ZNF704: variants seen among roughly 807,000 people sequenced by gnomAD.
The protein encoded by ZNF704 is zinc finger protein 704, also known as glucocorticoid induced gene 1.
A neutral mutation model predicts 44.7 loss-of-function variants in ZNF704; 10 were observed. That is an observed-to-expected ratio of 0.22 (90% CI 0.14 to 0.38). The LOEUF (loss-of-function observed/expected upper bound fraction) is 0.38. Ranked by LOEUF, ZNF704 falls within the 10% of genes least tolerant of loss-of-function variation. The probability of loss-of-function intolerance (pLI) is 1.00; values close to 1 mark genes in which losing one functional copy is unlikely to be tolerated. For missense variants in ZNF704, 390 were observed against 545.5 expected, an observed-to-expected ratio of 0.71 and a Z score of 2.84; for synonymous variants, 211 against 207.6, an observed-to-expected ratio of 1.02 and a Z score of -0.14.
At chr8:80,853,264 T>C (rs547177999) in intron 1 of ZNF704, among the ~76,000 whole-genome samples, 1 of 151,620 alleles carries the variant, frequency 6.6e-6, no homozygotes, top group Non-Finnish European at 1.5e-5. Context: ...ACCTGGGAGG[T>C]TGAGGTGGTG....
chr8:80,799,340 CTTTTAA>C (rs1807860831), intron 2 of ZNF704, among the ~76,000 whole-genome samples: 1 of 152,172 alleles, frequency 6.6e-6, no homozygotes, highest in African/African-American at 2.4e-5. Flanking sequence ...TTGAATTTCT[CTTTTAA>C]TTTTTAGACC....
At chr8:80,867,779 T>C (rs1272810185) in intron 1 of ZNF704, among the ~76,000 whole-genome samples, 1 of 152,234 alleles carries the variant, frequency 6.6e-6, no homozygotes, top group Non-Finnish European at 1.5e-5. Context: ...AATAGACGTG[T>C]TAACCATCCC....
chr8:80,664,394 C>A (rs576327244), intron 6 of ZNF704, among the ~76,000 whole-genome samples: 1 of 152,108 alleles, frequency 6.6e-6, no homozygotes, highest in Non-Finnish European at 1.5e-5. Context: ...GCCTCAGCCT[C>A]CTCAGTAGCT....
intron 4 of ZNF704, among the ~76,000 whole-genome samples, chr8:80,685,671 G>A (rs1020586180): frequency 1.3e-5 from 2 of 152,318 alleles, no homozygotes; most frequent in Admixed American, 6.5e-5. Context: ...CAACTCTTCA[G>A]GCCACTGCCT....
Position 80,693,059 on chromosome 8 carries a change from T to C in ZNF704, c.270A>G (p.Val90=). The C allele has an allele frequency of 6.2e-7, 1 of 1,614,212 alleles. No individual in the cohort carries two copies. Among genetic ancestry groups the C allele is most frequent in the Non-Finnish European group, 8.5e-7 (1 of 1,180,026 alleles). The change falls in exon 3 of 9, where the codon GTA becomes GTG. Residue 90 remains valine, a synonymous_variant. Transcript: ENST00000327835. ...LDMDKVTAAM[V]LTSLSTSPLV... ...AAGGGCTAGTCGACAAGCTGGTTAG[T>C]ACCATTGCTGCTGTCACCTTGTCCA...
At chr8:80,715,817 T>C (rs187819792) in intron 2 of ZNF704, among the ~76,000 whole-genome samples, 118 of 152,284 alleles carry the variant, frequency 7.7e-4, no homozygotes, top group Admixed American at 3.0e-3. Context: ...CCGTGGCTCA[T>C]GCCTGCAATC....
chr8:80,664,747 A>G (rs772256694), intron 6 of ZNF704, 68 bp downstream of exon 6: 65 of 1,590,602 alleles, frequency 4.1e-5, no homozygotes, highest in Non-Finnish European at 5.0e-5. Context: ...TCTTTTACTC[A>G]TAGGCCAGAT....
chr8:80,876,673 G>C (rs570446979), upstream of ZNF704, among the ~76,000 whole-genome samples: 1 of 152,176 alleles, frequency 6.6e-6, no homozygotes, highest in Admixed American at 6.5e-5. Flanking sequence ...GGGGATCATA[G>C]TAGTAAAGTT....
chr8:80,852,105 G>T (rs1373434630), intron 1 of ZNF704, among the ~76,000 whole-genome samples: 1 of 152,098 alleles, frequency 6.6e-6, no homozygotes, highest in Non-Finnish European at 1.5e-5. Context: ...AGCCAGTAGG[G>T]ACCCCTTGAA....
intron 2 of ZNF704, among the ~76,000 whole-genome samples, chr8:80,773,307 C>T (rs1380921076): frequency 6.6e-6 from 1 of 152,012 alleles, no homozygotes; most frequent in Non-Finnish European, 1.5e-5. Context: ...CTTTAGTGGT[C>T]GCTTTAGATA....
chr8:80,674,638 C>G lies in ZNF704; in HGVS notation c.559-4035G>C, dbSNP rs116392586. On this transcript the variant is annotated intron_variant, in intron 4 of 8. Transcript: ENST00000327835. ...ACTCTCATGCCATGTGAGAATGGCA[C>G]CACGCCATTCAAGAGGGATGCACCC... is the stretch of plus-strand genomic sequence containing the variant. Among the ~76,000 whole-genome samples the G allele has an allele frequency of 6.7e-3, 1,025 of 152,246 alleles. 11 individuals carry two copies. Among genetic ancestry groups the G allele is most frequent in the African/African-American group, 0.023 (950 of 41,526 alleles).
intron 2 of ZNF704, among the ~76,000 whole-genome samples, chr8:80,695,689 A>C (rs1179202831): frequency 6.6e-6 from 1 of 152,244 alleles, no homozygotes; most frequent in Non-Finnish European, 1.5e-5. Flanking sequence ...TGTTTTTTAA[A>C]ATATGACAAT....
chr8:80,751,193 T>A (rs73268633), intron 2 of ZNF704, among the ~76,000 whole-genome samples: 118 of 152,256 alleles, frequency 7.8e-4, no homozygotes, highest in African/African-American at 2.7e-3. Flanking sequence ...ACATAAATAA[T>A]CACACTGGAA....
At chr8:80,826,263 A>G (rs758448116) in intron 1 of ZNF704, among the ~76,000 whole-genome samples, 2 of 152,228 alleles carry the variant, frequency 1.3e-5, no homozygotes, top group Non-Finnish European at 2.9e-5. Context: ...CCGATCCCAC[A>G]GAAATACAAA....
Position 80,673,851 on chromosome 8 carries a change from A to T in ZNF704, c.559-3248T>A, listed in dbSNP as rs547959383. 6.4e-4 allele frequency among the ~76,000 whole-genome samples: 98 copies of T among 152,360 alleles called. 1 individual carries two copies. In the South Asian group the frequency reaches 0.02, roughly 31 times the overall value. ...GCTAGAGCAGATTACCAACCACGGA[A>T]GGAGCCCACTGTTCACATGGGCTTC... is the stretch of plus-strand genomic sequence containing the variant. On this transcript the variant is annotated intron_variant, in intron 4 of 8. Transcript: ENST00000327835.
chr8:80,663,226 A>T (rs770404209), intron 6 of ZNF704, among the ~76,000 whole-genome samples: 14 of 151,960 alleles, frequency 9.2e-5, no homozygotes, highest in Non-Finnish European at 1.9e-4. Flanking sequence ...CAAAAAATTT[A>T]AAAAATTAGC....
At chr8:80,824,775 T>G (rs188715031) in intron 1 of ZNF704, among the ~76,000 whole-genome samples, 1 of 152,194 alleles carries the variant, frequency 6.6e-6, no homozygotes, top group Non-Finnish European at 1.5e-5. Flanking sequence ...ATATCCAACA[T>G]TGTTAAAGAA....
intron 2 of ZNF704, among the ~76,000 whole-genome samples, chr8:80,802,500 T>C (rs1188903130): frequency 6.6e-6 from 1 of 152,124 alleles, no homozygotes; most frequent in African/African-American, 2.4e-5. Context: ...CACAATCAAG[T>C]TGGCTGCATC....
At chr8:80,689,799 T>A (rs1818601998) in intron 3 of ZNF704, among the ~76,000 whole-genome samples, 1 of 144,000 alleles carries the variant, frequency 6.9e-6, no homozygotes, top group African/African-American at 3.0e-5. Context: ...GAAAGACTAT[T>A]TAGTCAGAAG....
Sources: allele counts gnomAD v4.1 joint callset (sites outside exome capture counted in the v4.1 genomes callset), GRCh38; gene constraint gnomAD v4.1.1; transcripts MANE v1.5; gene names NCBI Gene and HGNC (gene_info 2026-07-23, HGNC 2026-07-21).